Variants in TMC2 observed in about 807,000 individuals in gnomAD.
TMC2 encodes transmembrane channel like 2, also known as transmembrane channel-like protein 2.
In TMC2, 102 loss-of-function variants were observed where a neutral mutation model predicts 105.9. The observed-to-expected ratio is 0.96, with a 90% CI of 0.82 to 1.14. The LOEUF (loss-of-function observed/expected upper bound fraction) is 1.14, where lower values mean the gene tolerates loss of function less well. TMC2 is among the 50% of genes most tolerant of loss of function. The pLI is 0.00. For synonymous variants in TMC2, 402 were observed against 422.8 expected, an observed-to-expected ratio of 0.95 and a Z score of 0.60; for missense variants, 1,093 against 1,134.3, an observed-to-expected ratio of 0.96 and a Z score of 0.52.
At chr20:2,605,202 T>C (rs1034407863) in intron 11 of TMC2, among the ~76,000 whole-genome samples, 11 of 152,166 alleles carry the variant, frequency 7.2e-5, no homozygotes, top group South Asian at 4.1e-4. Flanking sequence ...GGGAAAAAAT[T>C]TGGTGTCAGA....
At chr20:2,594,225 C>CTTT (rs565664102) in intron 8 of TMC2, among the ~76,000 whole-genome samples, 6 of 113,776 alleles carry the variant, frequency 5.3e-5, no homozygotes, top group Admixed American at 1.0e-4. Flanking sequence ...CTAAGGATTC[C>CTTT]TTTTTTTTTT....
rs753551245 is a variant in TMC2 at position 2,561,862 on chromosome 20, T to C, written c.406T>C (p.Ser136Pro). 34 of 1,613,208 alleles carry C rather than the reference T, an allele frequency of 2.1e-5. No homozygotes were observed. Among genetic ancestry groups the C allele is most frequent in the Non-Finnish European group, 2.7e-5 (32 of 1,179,680 alleles). Residue 136 changes from serine to proline, a missense_variant, in exon 4 of 20, where the codon TCC (serine) becomes CCC (proline). Physicochemically the swap from Ser to Pro is moderately conservative, Grantham distance 74. Coordinates refer to ENST00000358864, the MANE Select transcript of TMC2 (RefSeq NM_080751.3). The part of the protein sequence containing the change: ...KSKRQKKPRS[S>P]SLASSASGGE... ...CCGCCCTGGCTCTGCCTCCAGGTCA[T>C]CCTCCTTGGCCTCCAGTGCCTCTGG... is the stretch of plus-strand genomic sequence containing the variant.
intron 2 of TMC2, among the ~76,000 whole-genome samples, chr20:2,540,504 T>C (rs2085882636): frequency 6.6e-6 from 1 of 151,610 alleles, no homozygotes; most frequent in South Asian, 2.1e-4. Context: ...CTACTAAAAA[T>C]ACAAAAATTA....
chr20:2,641,116 T>A lies in TMC2; in HGVS notation c.2504-18T>A, dbSNP rs116939656. ...AAAATCTCCCACTTCCTCTTTCTTG[T>A]CTTGGTTCGTTTTCCAGAGACCACT... On this transcript the variant is annotated intron_variant, in intron 19 of 19. Transcript: ENST00000358864. The A allele has an allele frequency of 1.9e-6, 3 of 1,610,892 alleles. No individual in the cohort carries two copies. The African/African-American group carries it at 4.0e-5, about 22-fold the overall frequency.
At chr20:2,542,752 GCA>G (rs2085898218) in intron 2 of TMC2, among the ~76,000 whole-genome samples, 1 of 149,652 alleles carries the variant, frequency 6.7e-6, no homozygotes, top group Non-Finnish European at 1.5e-5. Context: ...GGAGTCAGTG[GCA>G]CATCTTGGCT....
chr20:2,543,599 T>A (rs1177324206), intron 2 of TMC2, among the ~76,000 whole-genome samples: 1 of 152,218 alleles, frequency 6.6e-6, no homozygotes, highest in Non-Finnish European at 1.5e-5. Flanking sequence ...AACATTTGCC[T>A]GGGTAGGAGA....
At chr20:2,623,738 T>C (rs190598123) in intron 16 of TMC2, among the ~76,000 whole-genome samples, 11 of 152,306 alleles carry the variant, frequency 7.2e-5, no homozygotes, top group Admixed American at 7.2e-4. Context: ...GGTTCTTAGG[T>C]ATTTGAAGAA....
chr20:2,598,596 T>C (rs1245504199), intron 10 of TMC2, among the ~76,000 whole-genome samples: 4 of 151,972 alleles, frequency 2.6e-5, no homozygotes, highest in Non-Finnish European at 5.9e-5. Flanking sequence ...TTTGTATTTT[T>C]AGTAGAGACA....
chr20:2,608,874 G>A (rs1297946584), intron 11 of TMC2, among the ~76,000 whole-genome samples: 2 of 152,078 alleles, frequency 1.3e-5, no homozygotes, highest in Non-Finnish European at 2.9e-5. Flanking sequence ...AGTTCTTGTG[G>A]GCAGAGTGTG....
intron 2 of TMC2, among the ~76,000 whole-genome samples, chr20:2,542,296 A>G (rs1568499682): frequency 6.6e-6 from 1 of 152,314 alleles, no homozygotes; most frequent in Middle Eastern, 3.4e-3. Context: ...GAAGCTTGAC[A>G]AAGGAAAAGC....
chr20:2,560,755 T>G (rs2086020362), intron 3 of TMC2, among the ~76,000 whole-genome samples: 1 of 150,446 alleles, frequency 6.6e-6, no homozygotes, highest in South Asian at 2.1e-4. Flanking sequence ...GAGAATGGCG[T>G]GAACCCAGGA....
At chr20:2,589,537 C>T (rs978707704) in intron 7 of TMC2, among the ~76,000 whole-genome samples, 1 of 152,094 alleles carries the variant, frequency 6.6e-6, no homozygotes, top group Non-Finnish European at 1.5e-5. Flanking sequence ...CAGCAATGCA[C>T]AATCACTTCT....
At chr20:2,568,759 G>T (rs6114971) in intron 4 of TMC2, among the ~76,000 whole-genome samples, 9 of 152,074 alleles carry the variant, frequency 5.9e-5, no homozygotes, top group African/African-American at 1.9e-4. Context: ...TCCTGCCAAG[G>T]GGGGGAACAG....
intron 16 of TMC2, among the ~76,000 whole-genome samples, chr20:2,623,192 G>A (rs542065244): frequency 6.6e-6 from 1 of 151,946 alleles, no homozygotes; most frequent in African/African-American, 2.4e-5. Context: ...ACATCAGACA[G>A]CACAGCTTTC....
chr20:2,591,154 C>T (rs982612486), intron 7 of TMC2, among the ~76,000 whole-genome samples: 8 of 151,878 alleles, frequency 5.3e-5, no homozygotes, highest in South Asian at 2.1e-4. Context: ...ATTATATACA[C>T]GTATAGAACT....
intron 7 of TMC2, among the ~76,000 whole-genome samples, chr20:2,582,008 G>A (rs6115039): frequency 0.22 from 32,844 of 151,870 alleles, 4,766 homozygotes; most frequent in African/African-American, 0.41. Context: ...GCTGGAAAGA[G>A]GAGCCTTGGC....
At chr20:2,538,700 C>T (rs1036644437) in intron 2 of TMC2, among the ~76,000 whole-genome samples, 2 of 152,320 alleles carry the variant, frequency 1.3e-5, no homozygotes, top group East Asian at 1.9e-4. Flanking sequence ...AAATATTCCA[C>T]GTTGCCGCTG....
chr20:2,616,200 A>T lies in TMC2; in HGVS notation c.1936A>T (p.Ile646Phe). Residue 646 changes from isoleucine to phenylalanine, a missense_variant, in exon 15 of 20, where the codon ATC becomes TTC. Ile to Phe is a conservative substitution (Grantham distance 21). Coordinates refer to ENST00000358864, the MANE Select transcript of TMC2 (RefSeq NM_080751.3). The surrounding 1 kb of genome is among the most constrained non-coding windows in gnomAD (Gnocchi z 4.8). ...VLGLIFNQGM[I>F]WMGSFYAPGL... ...GGGTTTGATCTTCAACCAAGGAATG[A>T]TCTGGTGAGTTATCCATTTCATCTG... The T allele has an allele frequency of 6.2e-7, 1 of 1,612,454 alleles. No individual in the cohort carries two copies. Among genetic ancestry groups the T allele is most frequent in the South Asian group, 1.1e-5 (1 of 91,030 alleles).
At chr20:2,538,200 G>T (rs1178098956) in intron 2 of TMC2, among the ~76,000 whole-genome samples, 2 of 152,142 alleles carry the variant, frequency 1.3e-5, no homozygotes, top group Non-Finnish European at 2.9e-5. Flanking sequence ...CTGAGCTTCA[G>T]TGAGGCCGCT....
Sources: gnomAD v4.1 joint callset for allele counts (sites outside exome capture counted in the v4.1 genomes callset) on GRCh38, gnomAD v4.1.1 for gene constraint, Gnocchi (gnomAD v3.1) non-coding constraint, MANE v1.5 for transcripts, NCBI Gene and HGNC (gene_info 2026-07-23, HGNC 2026-07-21) for gene names.